EXOC4: variants seen among roughly 807,000 people sequenced by gnomAD.
EXOC4 encodes exocyst complex component 4.
In EXOC4, 71 loss-of-function variants were observed where a neutral mutation model predicts 107.2. That is an observed-to-expected ratio of 0.66 (90% CI 0.55 to 0.81). The LOEUF (loss-of-function observed/expected upper bound fraction) is 0.81, where lower values mean the gene tolerates loss of function less well. EXOC4 is among the 30% of genes least tolerant of loss of function. The probability of loss-of-function intolerance (pLI) is 0.00; values close to 1 mark genes in which losing one functional copy is unlikely to be tolerated. For synonymous variants in EXOC4, 456 were observed against 441.2 expected (o/e 1.03, Z -0.42); for missense variants, 1,108 against 1,189.6 (o/e 0.93, Z 1.01).
chr7:134,069,616 G>A (rs1375601978), downstream of EXOC4, among the ~76,000 whole-genome samples: 2 of 152,100 alleles, frequency 1.3e-5, no homozygotes, highest in East Asian at 3.9e-4. Context: ...TCACACCTCT[G>A]CCTCTCAAGT....
chr7:133,568,840 G>T, intron 9 of EXOC4, among the ~76,000 whole-genome samples: 1 of 152,092 alleles, frequency 6.6e-6, no homozygotes, highest in East Asian at 1.9e-4. Flanking sequence ...TTGAAATCAG[G>T]AATATCTTAA....
chr7:133,757,721 T>TG (rs2151146811), intron 10 of EXOC4, among the ~76,000 whole-genome samples: 1 of 152,366 alleles, frequency 6.6e-6, no homozygotes, highest in East Asian at 1.9e-4. Flanking sequence ...GTGACCCCAT[T>TG]GGCTCCTCGT....
At chr7:133,774,246 T>G (rs1316691807) in intron 10 of EXOC4, among the ~76,000 whole-genome samples, 2 of 152,094 alleles carry the variant, frequency 1.3e-5, no homozygotes, top group African/African-American at 4.8e-5. Context: ...AGAGAGTGTA[T>G]GCAATAGCCA....
Position 134,064,501 on chromosome 7 carries a change from C to T in EXOC4, c.2898C>T (p.Thr966=). The change falls in exon 18 of 18, where the codon ACC becomes ACT. Residue 966 remains threonine, a synonymous_variant. Transcript: ENST00000253861. ...ICEQAAIKQA[T]KDKKITTV ...AGCAGGCTGCCATCAAGCAAGCCACCAAGGACAAGAAGATAACTACCGTTT... is the reference window on the plus strand; with the variant it reads ...AGCAGGCTGCCATCAAGCAAGCCACTAAGGACAAGAAGATAACTACCGTTT... The T allele has an allele frequency of 6.2e-7, 1 of 1,604,828 alleles. No individual in the cohort carries two copies.
intron 9 of EXOC4, among the ~76,000 whole-genome samples, chr7:133,559,785 C>G (rs1169119410): frequency 6.6e-6 from 1 of 152,114 alleles, no homozygotes; most frequent in Non-Finnish European, 1.5e-5. Context: ...TCACTGTACA[C>G]TTTTTCTGAG....
At chr7:133,719,678 A>G (rs1795067024) in intron 10 of EXOC4, among the ~76,000 whole-genome samples, 1 of 152,104 alleles carries the variant, frequency 6.6e-6, no homozygotes. Flanking sequence ...AATAAGGCAT[A>G]GTGACAAAAA....
intron 13 of EXOC4, among the ~76,000 whole-genome samples, chr7:133,937,203 A>G (rs1169916083): frequency 2.0e-5 from 3 of 152,016 alleles, no homozygotes; most frequent in Admixed American, 2.0e-4. Flanking sequence ...CCCCTGCAAA[A>G]CATTTTGAAG....
Position 133,306,074 on chromosome 7 carries a change from C to T in EXOC4, c.656+13C>T, listed in dbSNP as rs754163506. The T allele has an allele frequency of 6.2e-7, 1 of 1,603,044 alleles. No individual in the cohort carries two copies. The highest frequency in any genetic ancestry group is 8.5e-7 in the Non-Finnish European group (1 of 1,173,764). On this transcript the variant is annotated intron_variant, in intron 4 of 17. Coordinates refer to ENST00000253861, the MANE Select transcript of EXOC4 (RefSeq NM_021807.4). ...AAGGGAAAATCAGGTTAAAGAGGCT[C>T]TTTGCTATAAGTGTCTTGTGGCAGT...
intron 14 of EXOC4, among the ~76,000 whole-genome samples, chr7:133,977,738 T>TTGTGTGTG (rs201003706): frequency 4.5e-5 from 4 of 88,266 alleles, no homozygotes; most frequent in South Asian, 8.9e-4. Flanking sequence ...TTTTGTTGTT[T>TTGTGTGTG]TGTGTGTGTG....
At chr7:133,906,048 G>A (rs1003585648) in intron 12 of EXOC4, among the ~76,000 whole-genome samples, 8 of 152,172 alleles carry the variant, frequency 5.3e-5, no homozygotes, top group Admixed American at 2.6e-4. Flanking sequence ...GTAGAAATGG[G>A]CAGGAAAGGA....
intron 7 of EXOC4, among the ~76,000 whole-genome samples, chr7:133,470,237 A>G (rs1368695864): frequency 1.3e-5 from 2 of 152,356 alleles, no homozygotes; most frequent in South Asian, 2.1e-4. Context: ...ATTTATTTAA[A>G]AAAAACCTCT....
rs1414642450 is a variant in EXOC4, at chr7:133,787,971, A to T, written c.1515-29354A>T. Among the ~76,000 whole-genome samples, 52 of 31,560 alleles carry T rather than the reference A, an allele frequency of 1.6e-3. 1 individual carries two copies. The highest frequency in any genetic ancestry group is 2.6e-3 in the African/African-American group (20 of 7,712). The allele number at this position is 31,560 out of a possible 152,430, so 20.7% of individuals were successfully genotyped here. ...TGCATATATTTATATATTTATATAT[A>T]TATATATATATATATATATATATAT... On this transcript the variant is annotated intron_variant, in intron 10 of 17. Coordinates refer to ENST00000253861, the MANE Select transcript of EXOC4 (RefSeq NM_021807.4).
intron 7 of EXOC4, among the ~76,000 whole-genome samples, chr7:133,466,032 G>A (rs1241220500): frequency 6.6e-6 from 1 of 152,008 alleles, no homozygotes; most frequent in African/African-American, 2.4e-5. Context: ...AACTACTCAG[G>A]AGGTTGAGGC....
chr7:133,337,061 C>A (rs1220511803), intron 5 of EXOC4, among the ~76,000 whole-genome samples: 1 of 152,060 alleles, frequency 6.6e-6, no homozygotes, highest in African/African-American at 2.4e-5. Context: ...TATCAATATG[C>A]TATATTAATA....
intron 17 of EXOC4, among the ~76,000 whole-genome samples, chr7:134,050,543 T>C (rs1795760117): frequency 6.6e-6 from 1 of 152,166 alleles, no homozygotes; most frequent in Non-Finnish European, 1.5e-5. Context: ...GGGTTACCCA[T>C]GCAGTAAGTG....
chr7:133,434,873 G>A (rs1192051168), intron 7 of EXOC4, among the ~76,000 whole-genome samples: 1 of 152,032 alleles, frequency 6.6e-6, no homozygotes, highest in Non-Finnish European at 1.5e-5. Flanking sequence ...TTCTGATAGA[G>A]ACCGATTGCT....
chr7:134,012,950 T>A (rs1452438842), intron 17 of EXOC4, among the ~76,000 whole-genome samples: 1 of 152,176 alleles, frequency 6.6e-6, no homozygotes, highest in Non-Finnish European at 1.5e-5. Flanking sequence ...TTAAATTAGC[T>A]CAAGACAGAG....
intron 11 of EXOC4, among the ~76,000 whole-genome samples, chr7:133,873,468 C>T (rs1216842719): frequency 2.0e-5 from 3 of 152,062 alleles, no homozygotes; most frequent in Non-Finnish European, 2.9e-5. Context: ...GGGAAAGTGA[C>T]GTCAAAGTAG....
In EXOC4 at chr7:133,718,147, G is replaced by T. The variant is rs80164575; in HGVS notation, c.1514+88006G>T. Among the ~76,000 whole-genome samples the T allele has an allele frequency of 3.2e-4, 48 of 152,268 alleles. 1 individual carries two copies. In the East Asian group the frequency reaches 9.1e-3, roughly 29 times the overall value. Reference sequence around the variant, plus strand: ...AAGGAATAGGTTTTACTGGTGAAAGGGAAAACTTACAAGGCTAAGTCAGCA... The same window carrying T: ...AAGGAATAGGTTTTACTGGTGAAAGTGAAAACTTACAAGGCTAAGTCAGCA... On this transcript the variant is annotated intron_variant, in intron 10 of 17. Coordinates refer to ENST00000253861, the MANE Select transcript of EXOC4 (RefSeq NM_021807.4).
Sources: allele counts gnomAD v4.1 joint callset (sites outside exome capture counted in the v4.1 genomes callset), GRCh38; gene constraint gnomAD v4.1.1; transcripts MANE v1.5; gene names NCBI Gene and HGNC (gene_info 2026-07-23, HGNC 2026-07-21).